Variants in ADAMTS2 observed in about 807,000 individuals in gnomAD.
ADAMTS2 encodes the protein A disintegrin and metalloproteinase with thrombospondin motifs 2.
In ADAMTS2, 50 loss-of-function variants were observed where a neutral mutation model predicts 123.0. That is an observed-to-expected ratio of 0.41 (90% CI 0.32 to 0.51). The LOEUF (loss-of-function observed/expected upper bound fraction) is 0.51, where lower values mean the gene tolerates loss of function less well. ADAMTS2 is among the 20% of genes least tolerant of loss of function. The pLI is 0.35. For missense variants in ADAMTS2, 1,494 were observed against 1,705.2 expected (o/e 0.88, Z 2.18); for synonymous variants, 678 against 695.4 (o/e 0.98, Z 0.39).
chr5:179,166,069 G>C (rs1055193359), intron 5 of ADAMTS2, among the ~76,000 whole-genome samples: 1 of 152,156 alleles, frequency 6.6e-6, no homozygotes, highest in Non-Finnish European at 1.5e-5. Flanking sequence ...TCCACTGCCC[G>C]AGTGCTCTGG....
rs1756054428 is a variant in ADAMTS2 at position 179,287,502 on chromosome 5, G to A, written c.535-14438C>T. 3.3e-5 allele frequency among the ~76,000 whole-genome samples: 5 copies of A among 152,226 alleles called. No individual in the cohort carries two copies. The South Asian group carries it at 1.0e-3, about 31-fold the overall frequency. On this transcript the variant is annotated intron_variant, in intron 2 of 21. Transcript: ENST00000251582. ...GGCTGGTGTCTCACATTCCTGCAGA[G>A]AGGCTGGCTAAGGCTCCCGTGTGGG... is the stretch of plus-strand genomic sequence containing the variant.
At chr5:179,293,925 GT>G (rs1334587422) in intron 2 of ADAMTS2, among the ~76,000 whole-genome samples, 1 of 151,718 alleles carries the variant, frequency 6.6e-6, no homozygotes, top group Non-Finnish European at 1.5e-5. Flanking sequence ...CCTGGCCAAG[GT>G]TTTTTTGTTT....
Position 179,189,538 on chromosome 5 carries a change from T to TTTTTTTTTTG in ADAMTS2, c.892-8384_892-8383insCAAAAAAAAA, listed in dbSNP as rs56654826. On this transcript the variant is annotated intron_variant, in intron 4 of 21. Coordinates refer to ENST00000251582, the MANE Select transcript of ADAMTS2 (RefSeq NM_014244.5). The surrounding 1 kb of genome is among the most constrained non-coding windows in gnomAD (Gnocchi z 4.2). ...TTTTTTTTTTTTTTTTTTTTTTTTTTAGTAGAGGCAGGGTTTCACAATGTT... is the reference window on the plus strand; with the variant it reads ...TTTTTTTTTTTTTTTTTTTTTTTTTTTTTTTTTTTGAGTAGAGGCAGGGTTTCACAATGTT... Among the ~76,000 whole-genome samples the TTTTTTTTTTG allele has an allele frequency of 7.0e-6, 1 of 142,446 alleles. No individual in the cohort carries two copies. The allele number at this position is 142,446 out of a possible 152,430, so 93.5% of individuals were successfully genotyped here.
At chr5:179,248,405 T>A (rs955529310) in intron 3 of ADAMTS2, among the ~76,000 whole-genome samples, 2 of 152,026 alleles carry the variant, frequency 1.3e-5, no homozygotes, top group African/African-American at 4.8e-5. Flanking sequence ...TAAATACAGA[T>A]GGACTAAATG....
At chr5:179,139,832 G>T (rs1763130380) in intron 11 of ADAMTS2, 58 bp downstream of exon 11, 2 of 1,606,726 alleles carry the variant, frequency 1.2e-6, no homozygotes, top group Non-Finnish European at 1.7e-6. Context: ...GCTGGAGAGG[G>T]TCTCCTGGAC....
At chr5:179,336,823 C>A (rs752186143) in intron 2 of ADAMTS2, among the ~76,000 whole-genome samples, 1 of 152,172 alleles carries the variant, frequency 6.6e-6, no homozygotes, top group African/African-American at 2.4e-5. Context: ...CCATGTGACC[C>A]GCAACAGCCT....
intron 13 of ADAMTS2, among the ~76,000 whole-genome samples, chr5:179,133,563 C>A (rs1401576581): frequency 2.0e-5 from 3 of 151,182 alleles, no homozygotes; most frequent in East Asian, 3.9e-4. Flanking sequence ...AGCCACCGCG[C>A]CCGGCCAAGT....
rs1225300246 is a variant in ADAMTS2 at position 179,129,939 on chromosome 5, G to C, written c.2450C>G (p.Thr817Ser). The change falls in exon 16 of 22, where the codon ACC becomes AGC. Residue 817 changes from threonine (T) to serine (S), a missense_variant. This residue lies in a region of ADAMTS2 where 953 missense variants were observed against 1,124.7 expected (regional missense o/e 0.85). Coordinates refer to ENST00000251582, the MANE Select transcript of ADAMTS2 (RefSeq NM_014244.5). The surrounding 1 kb of genome is among the most constrained non-coding windows in gnomAD (Gnocchi z 4.1). ...QTMGPLHGTITVLVIPVGDTR... is the reference protein window; with the variant it reads ...QTMGPLHGTISVLVIPVGDTR... ...AGCCCTGCTTGGACTCACCAGAACG[G>C]TGATGGTGCCGTGGAGGGGGCCCAT... is the stretch of plus-strand genomic sequence containing the variant. The C allele has an allele frequency of 1.4e-5, 23 of 1,613,938 alleles. No individual in the cohort carries two copies. The highest frequency in any genetic ancestry group is 1.9e-5 in the Non-Finnish European group (22 of 1,180,024).
At chr5:179,290,178 G>A (rs142162054) in intron 2 of ADAMTS2, among the ~76,000 whole-genome samples, 19 of 152,308 alleles carry the variant, frequency 1.2e-4, no homozygotes, top group Non-Finnish European at 2.1e-4. Context: ...CCGATCCCTC[G>A]TGAGTGGCTT....
At chr5:179,275,453 G>A (rs1421046437) in intron 2 of ADAMTS2, among the ~76,000 whole-genome samples, 1 of 152,194 alleles carries the variant, frequency 6.6e-6, no homozygotes, top group Non-Finnish European at 1.5e-5. Context: ...GCAGCTGTGA[G>A]GGTAGTGGAC....
chr5:179,211,368 T>C (rs988341735), intron 3 of ADAMTS2, among the ~76,000 whole-genome samples: 1 of 76,042 alleles, frequency 1.3e-5, no homozygotes, highest in Admixed American at 1.0e-4. Flanking sequence ...CTGGGCCCCC[T>C]GGGGGTGCTG....
rs1762912687 is a variant in ADAMTS2 at position 179,129,034 on chromosome 5, G to A, written c.2457+898C>T. ...TCCCACCTCCGCTGGGAACACGTGT[G>A]GCAGGCGACTCACACTTCACCACTC... On this transcript the variant is annotated intron_variant, in intron 16 of 21. Coordinates refer to ENST00000251582, the MANE Select transcript of ADAMTS2 (RefSeq NM_014244.5). This position sits in a 1 kb window ranked among gnomAD's most constrained non-coding sequence, Gnocchi z 4.1. Among the ~76,000 whole-genome samples, 1 of 152,200 alleles carries A rather than the reference G, an allele frequency of 6.6e-6. No homozygotes were observed. The highest frequency in any genetic ancestry group is 1.5e-5 in the Non-Finnish European group (1 of 68,036).
At chr5:179,203,896 C>G (rs1764620769) in intron 4 of ADAMTS2, among the ~76,000 whole-genome samples, 1 of 152,030 alleles carries the variant, frequency 6.6e-6, no homozygotes. Context: ...GTCTGGAACA[C>G]CCACGTTCAC....
intron 15 of ADAMTS2, among the ~76,000 whole-genome samples, chr5:179,131,985 A>G (rs1332054312): frequency 1.3e-5 from 2 of 152,182 alleles, no homozygotes; most frequent in African/African-American, 4.8e-5. Flanking sequence ...TTTTGCATAT[A>G]TGTCCTTTCA....
rs1762912846 is a variant in ADAMTS2 at position 179,129,043 on chromosome 5, C to T, written c.2457+889G>A. 6.6e-6 allele frequency among the ~76,000 whole-genome samples: 1 copy of T among 152,190 alleles called. No homozygotes were observed. The highest frequency in any genetic ancestry group is 2.4e-5 in the African/African-American group (1 of 41,458). On this transcript the variant is annotated intron_variant, in intron 16 of 21. Coordinates refer to ENST00000251582, the MANE Select transcript of ADAMTS2 (RefSeq NM_014244.5). This position sits in a 1 kb window ranked among gnomAD's most constrained non-coding sequence, Gnocchi z 4.1. Reference sequence around the variant, plus strand: ...CGCTGGGAACACGTGTGGCAGGCGACTCACACTTCACCACTCTGTGCGTGT... The same window carrying T: ...CGCTGGGAACACGTGTGGCAGGCGATTCACACTTCACCACTCTGTGCGTGT...
chr5:179,230,212 G>A (rs1305782605), intron 3 of ADAMTS2, among the ~76,000 whole-genome samples: 1 of 152,190 alleles, frequency 6.6e-6, no homozygotes, highest in Non-Finnish European at 1.5e-5. Context: ...CGTGAGGTGG[G>A]CAGGCAGGGT....
chr5:179,235,276 T>C (rs1434887273), intron 3 of ADAMTS2, among the ~76,000 whole-genome samples: 1 of 152,198 alleles, frequency 6.6e-6, no homozygotes, highest in Non-Finnish European at 1.5e-5. Context: ...TCACCTGCCT[T>C]GGCTGAGAGG....
At chr5:179,259,834 C>G (rs558729069) in intron 3 of ADAMTS2, among the ~76,000 whole-genome samples, 44 of 152,202 alleles carry the variant, frequency 2.9e-4, no homozygotes, top group Non-Finnish European at 5.6e-4. Flanking sequence ...TGTGCAGTGC[C>G]CTGTGTCCTC....
rs540778858 is a variant in ADAMTS2, at chr5:179,118,150, C to G, written c.3178+3511G>C. On this transcript the variant is annotated intron_variant, in intron 21 of 21. Transcript: ENST00000251582. The surrounding 1 kb of genome is among the most constrained non-coding windows in gnomAD (Gnocchi z 4.5). ...TTAGTTTAAAAAAATAAAAATACGT[C>G]AATGAGTAAATACAAAATTGAAATA... Among the ~76,000 whole-genome samples the G allele has an allele frequency of 6.6e-6, 1 of 152,228 alleles. No individual in the cohort carries two copies. The highest frequency in any genetic ancestry group is 1.9e-4 in the East Asian group (1 of 5,182).
Sources: allele counts gnomAD v4.1 joint callset (sites outside exome capture counted in the v4.1 genomes callset), GRCh38; gene constraint gnomAD v4.1.1; regional missense constraint gnomAD v4.1.1; non-coding constraint Gnocchi (gnomAD v3.1); transcripts MANE v1.5; gene names NCBI Gene and HGNC (gene_info 2026-07-23, HGNC 2026-07-21).